Variants in KIAA0930 observed in about 807,000 individuals in gnomAD.
The protein encoded by KIAA0930 is KIAA0930.
In KIAA0930, 24 loss-of-function variants were observed where a neutral mutation model predicts 43.9. The observed-to-expected ratio is 0.55, with a 90% CI of 0.40 to 0.77. KIAA0930 has a LOEUF of 0.77. Among genes scored for constraint, KIAA0930 ranks in the 30% least tolerant of loss-of-function variants. KIAA0930 has a pLI of 0.00. For missense variants in KIAA0930, 461 were observed against 574.2 expected, an observed-to-expected ratio of 0.80 and a Z score of 2.02; for synonymous variants, 259 against 216.4, an observed-to-expected ratio of 1.20 and a Z score of -1.73.
chr22:45,235,533 G>A (rs1339724357), intron 1 of KIAA0930: 1 of 125,606 alleles, frequency 8.0e-6, no homozygotes, highest in Non-Finnish European at 1.9e-5. Flanking sequence ...TGACTGCTGT[G>A]GGGTTGGAGG....
intron 1 of KIAA0930, among the ~76,000 whole-genome samples, chr22:45,229,638 C>T (rs920789966): frequency 6.6e-6 from 1 of 152,246 alleles, no homozygotes; most frequent in Non-Finnish European, 1.5e-5. Flanking sequence ...GCCCCCCTCT[C>T]CGCCAACAAC....
intron 2 of KIAA0930, among the ~76,000 whole-genome samples, chr22:45,210,485 TC>T (rs1205284402): frequency 1.3e-5 from 2 of 152,204 alleles, no homozygotes; most frequent in East Asian, 3.9e-4. Context: ...CATCCCAGCC[TC>T]CCAGGTGTCC....
chr22:45,219,677 C>A (rs1425989319), intron 1 of KIAA0930, among the ~76,000 whole-genome samples: 4 of 147,274 alleles, frequency 2.7e-5, no homozygotes, highest in African/African-American at 1.0e-4. Flanking sequence ...CTGCAACCTC[C>A]ATTTCCTGGG....
At chr22:45,200,966 G>C (rs766032834) in intron 7 of KIAA0930, 66 of 519,270 alleles carry the variant, frequency 1.3e-4, no homozygotes, top group African/African-American at 1.0e-3. Flanking sequence ...GGTGAAGAAG[G>C]GGGGGAAGGG....
chr22:45,198,191 C>T (rs1040413189), intron 8 of KIAA0930, among the ~76,000 whole-genome samples: 1 of 152,206 alleles, frequency 6.6e-6, no homozygotes, highest in Admixed American at 6.5e-5. Context: ...CCACCCCCCT[C>T]ATCTCTCTCT....
At position 45,205,246 on chromosome 22, in the gene KIAA0930, T is replaced by C; in HGVS notation, c.487A>G (p.Ile163Val). 2 of 1,613,988 alleles carry C rather than the reference T, an allele frequency of 1.2e-6. No individual in the cohort carries two copies. Among genetic ancestry groups the C allele is most frequent in the East Asian group, 2.2e-5 (1 of 44,884 alleles). The change falls in exon 5 of 10, where the codon ATC becomes GTC. Residue 163 changes from isoleucine (I) to valine (V), a missense_variant. Transcript: ENST00000336156. ...TCGAAGCTGTCAATCATGAAGAAGATGTTGGGGTAGCTGATCTTGGACTCC... is the reference window on the plus strand; with the variant it reads ...TCGAAGCTGTCAATCATGAAGAAGACGTTGGGGTAGCTGATCTTGGACTCC... ...GEESKISYPN[I>V]FFMIDSFEEV... is the part of the protein sequence containing the mutation.
chr22:45,221,259 G>C (rs2083765855), intron 1 of KIAA0930, among the ~76,000 whole-genome samples: 1 of 152,190 alleles, frequency 6.6e-6, no homozygotes, highest in Non-Finnish European at 1.5e-5. Flanking sequence ...TAGCAAAGGA[G>C]TCAGCAAATT....
chr22:45,235,849 GTC>G (rs2083885256), intron 1 of KIAA0930, among the ~76,000 whole-genome samples: 1 of 152,202 alleles, frequency 6.6e-6, no homozygotes, highest in African/African-American at 2.4e-5. Flanking sequence ...AGGGCTCACA[GTC>G]TTCCTTTCCA....
Position 45,212,000 on chromosome 22 carries a change from T to G in KIAA0930, c.172A>C (p.Lys58Gln), listed in dbSNP as rs1404570522. 1.2e-6 allele frequency: 2 copies of G among 1,613,534 alleles called. No individual in the cohort carries two copies. Among genetic ancestry groups the G allele is most frequent in the Non-Finnish European group, 1.7e-6 (2 of 1,180,028 alleles). ...CTTTCGCTGCCGGAGTACGCCAGCTTCCGGCGCACATAGAAAAGCATGTCG... is the reference window on the plus strand; with the variant it reads ...CTTTCGCTGCCGGAGTACGCCAGCTGCCGGCGCACATAGAAAAGCATGTCG... ...QDDMLFYVRR[K>Q]LAYSGSESGA... The change falls in exon 2 of 10, where the codon AAG (lysine) becomes CAG (glutamine). Residue 58 changes from lysine (K) to glutamine (Q), a missense_variant. Lys to Gln is a moderately conservative substitution (Grantham distance 53). Coordinates refer to ENST00000336156, the MANE Select transcript of KIAA0930 (RefSeq NM_001009880.2).
In KIAA0930 at chr22:45,211,960, C is replaced by T. The variant is rs1346953935; in HGVS notation, c.212G>A (p.Arg71Lys). ...CAGGGGCCGGGGGTCACTCACCTTC[C>T]TCCCGTCTGCACCGCTTTCGCTGCC... Reference protein sequence around the residue: ...YSGSESGADGRKAAEPEVEVE... With the variant: ...YSGSESGADGKKAAEPEVEVE... Residue 71 changes from arginine (R) to lysine (K), a missense_variant, in exon 2 of 10, where the codon AGG becomes AAG. Coordinates refer to ENST00000336156, the MANE Select transcript of KIAA0930 (RefSeq NM_001009880.2). The T allele has an allele frequency of 6.2e-7, 1 of 1,611,048 alleles. No homozygotes were observed. The highest frequency in any genetic ancestry group is 8.5e-7 in the Non-Finnish European group (1 of 1,179,976).
At chr22:45,205,147 G>A (rs933882032) in intron 5 of KIAA0930, 70 bp downstream of exon 5, 17 of 1,289,342 alleles carry the variant, frequency 1.3e-5, no homozygotes, top group East Asian at 6.9e-5. Context: ...CTAAGGCCGC[G>A]GGGAGAAGCG....
intron 1 of KIAA0930, among the ~76,000 whole-genome samples, chr22:45,233,807 G>A (rs948283585): frequency 2.6e-5 from 4 of 152,148 alleles, no homozygotes; most frequent in Admixed American, 1.3e-4. Context: ...TGTAAGACAC[G>A]GGCTAACTCC....
intron 1 of KIAA0930, among the ~76,000 whole-genome samples, chr22:45,233,187 A>G (rs980320539): frequency 6.6e-6 from 1 of 152,068 alleles, no homozygotes. Context: ...AGAGGGAACG[A>G]ATGAATTACA....
At chr22:45,219,781 A>G (rs939891220) in intron 1 of KIAA0930, among the ~76,000 whole-genome samples, 1 of 151,882 alleles carries the variant, frequency 6.6e-6, no homozygotes. Context: ...TGGTAGAGAC[A>G]GGTTTCACCA....
chr22:45,220,237 G>A (rs1004561858), intron 1 of KIAA0930, among the ~76,000 whole-genome samples: 1 of 152,102 alleles, frequency 6.6e-6, no homozygotes, highest in African/African-American at 2.4e-5. Context: ...AGGATTACCT[G>A]AGGTCAGGAG....
chr22:45,205,610 G>C lies in KIAA0930; in HGVS notation c.414+20C>G. 1 of 1,611,274 alleles carries C rather than the reference G, an allele frequency of 6.2e-7. No homozygotes were observed. Among genetic ancestry groups the C allele is most frequent in the South Asian group, 1.1e-5 (1 of 90,992 alleles). On this transcript the variant is annotated intron_variant, in intron 4 of 9. Transcript: ENST00000336156. ...TGAACTGGCAGTTAGGAGGCTGGGG[G>C]CTCTCGTGCCAGGGCTCACCTGAGA...
intron 1 of KIAA0930, among the ~76,000 whole-genome samples, chr22:45,238,508 C>G (rs1352205784): frequency 2.0e-5 from 3 of 152,198 alleles, no homozygotes; most frequent in African/African-American, 7.2e-5. Context: ...ACAGGCAGAA[C>G]AGGACTGTGT....
At chr22:45,226,388 G>A (rs1288866688) in intron 1 of KIAA0930, 3 of 465,430 alleles carry the variant, frequency 6.4e-6, no homozygotes, top group Non-Finnish European at 1.3e-5. Flanking sequence ...GAGGTCCTAG[G>A]GGACAAAGGG....
intron 1 of KIAA0930, among the ~76,000 whole-genome samples, chr22:45,223,205 C>T (rs78392285): frequency 0.013 from 2,052 of 152,280 alleles, 47 homozygotes; most frequent in South Asian, 0.073. Context: ...CAGAACACTA[C>T]GCAGCAATTA....
Sources: allele counts gnomAD v4.1 joint callset (sites outside exome capture counted in the v4.1 genomes callset), GRCh38; gene constraint gnomAD v4.1.1; transcripts MANE v1.5; gene names NCBI Gene and HGNC (gene_info 2026-07-23, HGNC 2026-07-21).